The following EPB41L4A variants were observed in gnomAD, a reference collection of about 807,000 sequenced individuals.
EPB41L4A encodes the protein erythrocyte membrane protein band 4.1 like 4A.
Under a neutral mutation model 108.6 loss-of-function variants are expected in EPB41L4A, and 100 were observed. That is an observed-to-expected ratio of 0.92 (90% CI 0.78 to 1.09). The LOEUF (loss-of-function observed/expected upper bound fraction) is 1.09. Among genes scored for constraint, EPB41L4A ranks in the 50% least tolerant of loss-of-function variants. EPB41L4A has a pLI of 0.00. For synonymous variants in EPB41L4A, 319 were observed against 289.0 expected (o/e 1.10, Z -1.05); for missense variants, 1,030 against 842.7 (o/e 1.22, Z -2.75).
intron 2 of EPB41L4A, among the ~76,000 whole-genome samples, chr5:112,298,529 T>A (rs1049085975): frequency 6.6e-6 from 1 of 152,230 alleles, no homozygotes; most frequent in Non-Finnish European, 1.5e-5. Flanking sequence ...ATTCCTGGTA[T>A]GAAACACACT....
At position 112,262,557 on chromosome 5, in the gene EPB41L4A, C is replaced by A; in HGVS notation, c.579G>T (p.Glu193Asp). 6.2e-7 allele frequency: 1 copy of A among 1,614,138 alleles called. No homozygotes were observed. The highest frequency in any genetic ancestry group is 1.1e-5 in the South Asian group (1 of 91,076). ...TLMGQIPSEA[E>D]LNYLRTAKSL... ...ATTTGGCAGTCCTCAAGTAATTCAG[C>A]TCAGCCTCAGAAGGAATCTGACCCC... Residue 193 changes from glutamate (E) to aspartate (D), a missense_variant, in exon 7 of 23, where the codon GAG becomes GAT. By Grantham distance (45) the Glu-to-Asp change is conservative (BLOSUM62 2). Coordinates refer to ENST00000261486, the MANE Select transcript of EPB41L4A (RefSeq NM_022140.5).
Position 112,275,316 on chromosome 5 carries a change from A to AATACT in EPB41L4A, c.335+5_335+9dup, listed in dbSNP as rs1178684527. 1 of 1,537,500 alleles carries AATACT rather than the reference A, an allele frequency of 6.5e-7. No homozygotes were observed. The highest frequency in any genetic ancestry group is 8.8e-7 in the Non-Finnish European group (1 of 1,136,892). ...CATGTATCTGTTCAAAAACAAAGTC[A>AATACT]ATACTATACCTGGTTATTTCTTCTT... is the stretch of plus-strand genomic sequence containing the variant. On this transcript the variant is annotated intron_variant, in intron 4 of 22. Transcript: ENST00000261486.
At chr5:112,184,466 C>G (rs147600996) in intron 17 of EPB41L4A, among the ~76,000 whole-genome samples, 304 of 152,296 alleles carry the variant, frequency 2.0e-3, no homozygotes, top group African/African-American at 7.1e-3. Flanking sequence ...TAGAGCCAAT[C>G]TTAACCAATG....
At chr5:112,410,270 G>A (rs1561653996) in intron 1 of EPB41L4A, among the ~76,000 whole-genome samples, 1 of 152,118 alleles carries the variant, frequency 6.6e-6, no homozygotes, top group Non-Finnish European at 1.5e-5. Context: ...AAAGGAGGTT[G>A]GGACTTGAAA....
intron 11 of EPB41L4A, 86 bp from the exon 12 acceptor site, chr5:112,234,841 T>C: frequency 7.0e-7 from 1 of 1,421,262 alleles, no homozygotes; most frequent in Non-Finnish European, 9.5e-7. Context: ...ATCTGCCAAA[T>C]ATGGAGAGAA....
intron 18 of EPB41L4A, among the ~76,000 whole-genome samples, chr5:112,180,730 T>A (rs1295061825): frequency 6.7e-6 from 1 of 150,276 alleles, no homozygotes; most frequent in Non-Finnish European, 1.5e-5. Flanking sequence ...TTAAAAAGTC[T>A]GCTCATCAAA....
In EPB41L4A at chr5:112,358,523, C is replaced by T. The variant is rs188817607; in HGVS notation, c.100-51033G>A. Among the ~76,000 whole-genome samples, 217 of 152,314 alleles carry T rather than the reference C, an allele frequency of 1.4e-3. 1 individual carries two copies. Among genetic ancestry groups the T allele is most frequent in the African/African-American group, 4.9e-3 (205 of 41,552 alleles). ...CAATCACAGAAAAAGGATCACCCAT[C>T]AGGACAGCAAAAGTTTAACAGCTGG... On this transcript the variant is annotated intron_variant, in intron 1 of 22. Coordinates refer to ENST00000261486, the MANE Select transcript of EPB41L4A (RefSeq NM_022140.5).
intron 1 of EPB41L4A, among the ~76,000 whole-genome samples, chr5:112,398,718 T>C (rs1029892658): frequency 6.6e-6 from 1 of 152,074 alleles, no homozygotes; most frequent in African/African-American, 2.4e-5. Flanking sequence ...TTCTTTCACC[T>C]GAGGTCCTCC....
chr5:112,350,684 T>C (rs1289988678), intron 1 of EPB41L4A, among the ~76,000 whole-genome samples: 2 of 152,196 alleles, frequency 1.3e-5, no homozygotes, highest in Non-Finnish European at 2.9e-5. Flanking sequence ...CTCTCTACTT[T>C]CATGAGACCA....
At chr5:112,353,873 T>C (rs1758208340) in intron 1 of EPB41L4A, among the ~76,000 whole-genome samples, 1 of 152,070 alleles carries the variant, frequency 6.6e-6, no homozygotes. Context: ...GGCCCCTGCA[T>C]AGTTGTGTTT....
intron 4 of EPB41L4A, among the ~76,000 whole-genome samples, chr5:112,271,726 A>G (rs867814383): frequency 6.6e-6 from 1 of 152,224 alleles, no homozygotes; most frequent in Non-Finnish European, 1.5e-5. Flanking sequence ...GAGGACACGA[A>G]TTATCTACAG....
At chr5:112,202,724 C>T (rs572859603) in intron 15 of EPB41L4A, among the ~76,000 whole-genome samples, 10 of 152,094 alleles carry the variant, frequency 6.6e-5, no homozygotes, top group African/African-American at 2.2e-4. Flanking sequence ...AACTTGGTTT[C>T]AGAAAGCTGG....
chr5:112,291,049 T>TC (rs963240110), intron 2 of EPB41L4A, among the ~76,000 whole-genome samples: 2 of 152,108 alleles, frequency 1.3e-5, no homozygotes, highest in African/African-American at 2.4e-5. Context: ...ACTCCCCTAC[T>TC]CCCCTAATGT....
rs1345670296 is a variant in EPB41L4A, at chr5:112,311,853, T to C, written c.100-4363A>G. Among the ~76,000 whole-genome samples, 4 of 152,214 alleles carry C rather than the reference T, an allele frequency of 2.6e-5. No homozygotes were observed. In the East Asian group the frequency reaches 7.7e-4, roughly 29 times the overall value. ...TTCCATTTTGATCTAATCTCACTTATGGGTCCTTTCTCCCATCTAGGCACA... is the reference window on the plus strand; with the variant it reads ...TTCCATTTTGATCTAATCTCACTTACGGGTCCTTTCTCCCATCTAGGCACA... On this transcript the variant is annotated intron_variant, in intron 1 of 22. Transcript: ENST00000261486.
chr5:112,361,806 G>C (rs1450582142), intron 1 of EPB41L4A, among the ~76,000 whole-genome samples: 3 of 152,036 alleles, frequency 2.0e-5, no homozygotes, highest in African/African-American at 7.2e-5. Context: ...AGGATCAACT[G>C]AGCCTGGGAG....
chr5:112,235,564 A>G (rs1458948606), intron 11 of EPB41L4A, among the ~76,000 whole-genome samples: 1 of 152,170 alleles, frequency 6.6e-6, no homozygotes, highest in African/African-American at 2.4e-5. Flanking sequence ...CTATGGGAGG[A>G]AAAAAGTCTT....
intron 15 of EPB41L4A, among the ~76,000 whole-genome samples, chr5:112,197,317 T>C (rs1313313793): frequency 6.6e-6 from 1 of 152,216 alleles, no homozygotes; most frequent in Non-Finnish European, 1.5e-5. Flanking sequence ...ATCTGTAATC[T>C]AGCACCTTCC....
At chr5:112,287,934 A>C (rs1753391572) in intron 2 of EPB41L4A, among the ~76,000 whole-genome samples, 1 of 152,202 alleles carries the variant, frequency 6.6e-6, no homozygotes, top group Non-Finnish European at 1.5e-5. Flanking sequence ...GATAAGCTAA[A>C]AAGAAAGAAG....
At chr5:112,282,676 A>T (rs1753043210) in intron 2 of EPB41L4A, among the ~76,000 whole-genome samples, 1 of 152,210 alleles carries the variant, frequency 6.6e-6, no homozygotes, top group South Asian at 2.1e-4. Flanking sequence ...GTGTCAAGGC[A>T]CATGTAACAT....
Sources: allele counts gnomAD v4.1 joint callset (sites outside exome capture counted in the v4.1 genomes callset), GRCh38; gene constraint gnomAD v4.1.1; transcripts MANE v1.5; gene names NCBI Gene and HGNC (gene_info 2026-07-23, HGNC 2026-07-21).